Variants in UBE3C observed in about 807,000 individuals in gnomAD.
UBE3C encodes the protein ubiquitin-protein ligase E3C.
In UBE3C, 42 loss-of-function variants were observed where a neutral mutation model predicts 129.4. The ratio of observed to expected loss-of-function variants is 0.32; its 90% CI spans 0.25 to 0.42. The LOEUF (loss-of-function observed/expected upper bound fraction) is 0.42. Among genes scored for constraint, UBE3C ranks in the 10% least tolerant of loss-of-function variants. UBE3C has a pLI of 1.00. For synonymous variants in UBE3C, 510 were observed against 492.4 expected (o/e 1.04, Z -0.47); for missense variants, 1,049 against 1,319.1 (o/e 0.80, Z 3.17).
At chr7:157,196,527 C>T (rs1809125030) in intron 10 of UBE3C, among the ~76,000 whole-genome samples, 1 of 152,072 alleles carries the variant, frequency 6.6e-6, no homozygotes, top group South Asian at 2.1e-4. Context: ...CTAGGTTGAG[C>T]ACATAGAAGA....
chr7:157,139,348 G>A lies in UBE3C; in HGVS notation c.66+10G>A, dbSNP rs763399370. ...CGGCGCGAGCAGGAAGGTGAGGGCC[G>A]GGCTGGCGGGGCGCCCTCGGCTCGG... On this transcript the variant is annotated intron_variant, in intron 1 of 22. Coordinates refer to ENST00000348165, the MANE Select transcript of UBE3C (RefSeq NM_014671.3). 6 of 1,567,756 alleles carry A rather than the reference G, an allele frequency of 3.8e-6. No individual in the cohort carries two copies. The African/African-American group carries it at 7.0e-5, about 18-fold the overall frequency.
intron 18 of UBE3C, among the ~76,000 whole-genome samples, chr7:157,240,110 TCTTGC>T (rs1796266783): frequency 6.6e-6 from 1 of 151,902 alleles, no homozygotes; most frequent in Admixed American, 6.6e-5. Context: ...TGAGACAGAG[TCTTGC>T]TCTTGGCATG....
chr7:157,182,222 G>A lies in UBE3C; in HGVS notation c.885G>A (p.Glu295=). 1 of 1,614,164 alleles carries A rather than the reference G, an allele frequency of 6.2e-7. No individual in the cohort carries two copies. The highest frequency in any genetic ancestry group is 8.5e-7 in the Non-Finnish European group (1 of 1,180,024). ...LADAQTVFPY[E]PFLNALLLIE... is the part of the protein sequence containing the mutation. ...ATGCGCAGACCGTTTTCCCTTACGAGCCCTTTCTGAATGCACTGTTGTTAA... is the reference window on the plus strand; with the variant it reads ...ATGCGCAGACCGTTTTCCCTTACGAACCCTTTCTGAATGCACTGTTGTTAA... The change falls in exon 8 of 23, where the codon GAG becomes GAA. Residue 295 remains glutamate, a synonymous_variant. Transcript: ENST00000348165.
intron 13 of UBE3C, among the ~76,000 whole-genome samples, chr7:157,213,148 G>C (rs974957216): frequency 6.6e-6 from 1 of 152,230 alleles, no homozygotes; most frequent in Admixed American, 6.5e-5. Flanking sequence ...TGGCGTGGAA[G>C]AACATGAGAG....
In UBE3C at chr7:157,178,971, G is replaced by A. The variant is rs572912598; in HGVS notation, c.616+124G>A. 3.1e-4 allele frequency: 383 copies of A among 1,225,980 alleles called. 1 individual carries two copies. Among genetic ancestry groups the A allele is most frequent in the South Asian group, 1.9e-3 (117 of 62,418 alleles). 75.9% of individuals were successfully genotyped at this position (1,225,980 alleles called of 1,614,324 possible). A position where few individuals can be genotyped will look rare whatever the true frequency, so the allele number is the denominator to read the frequency against. ...TCAGAGCGGTACTGGTGTCCCAGAC[G>A]CCTTGTGCTCCATCCACAGGTGCCC... is the stretch of plus-strand genomic sequence containing the variant. On this transcript the variant is annotated intron_variant, in intron 6 of 22. Coordinates refer to ENST00000348165, the MANE Select transcript of UBE3C (RefSeq NM_014671.3).
At chr7:157,246,751 G>A (rs767212216) in intron 18 of UBE3C, among the ~76,000 whole-genome samples, 1 of 152,150 alleles carries the variant, frequency 6.6e-6, no homozygotes, top group Admixed American at 6.5e-5. Flanking sequence ...AGGAAGGCCC[G>A]TGACTGCCTC....
At chr7:157,198,188 T>A in intron 10 of UBE3C, 17 of 1,597,170 alleles carry the variant, frequency 1.1e-5, no homozygotes, top group Non-Finnish European at 1.3e-5. Flanking sequence ...GTAGCTGATT[T>A]TCTCCATGCA....
chr7:157,258,657 A>G (rs1397487646), intron 22 of UBE3C, among the ~76,000 whole-genome samples: 2 of 152,014 alleles, frequency 1.3e-5, no homozygotes, highest in Non-Finnish European at 2.9e-5. Context: ...ACGGGGTTTC[A>G]CCATGTTGGC....
At chr7:157,153,505 A>G (rs1478172138) in intron 1 of UBE3C, among the ~76,000 whole-genome samples, 4 of 152,144 alleles carry the variant, frequency 2.6e-5, no homozygotes, top group South Asian at 2.1e-4. Flanking sequence ...GGCGTTGCCC[A>G]GGCTGGTCTT....
intron 1 of UBE3C, among the ~76,000 whole-genome samples, chr7:157,155,673 T>C (rs551413109): frequency 5.9e-5 from 9 of 152,322 alleles, no homozygotes; most frequent in African/African-American, 2.2e-4. Context: ...AAGAAAGCAT[T>C]TTCCCCCCAT....
intron 5 of UBE3C, 118 bp downstream of exon 5, chr7:157,175,152 T>G: frequency 1.5e-6 from 1 of 674,192 alleles, no homozygotes; most frequent in Non-Finnish European, 2.2e-6. Context: ...TTTTTTTTTT[T>G]TTTTTTGAGG....
chr7:157,256,386 G>A (rs189703822), intron 21 of UBE3C, among the ~76,000 whole-genome samples: 1 of 152,098 alleles, frequency 6.6e-6, no homozygotes, highest in East Asian at 1.9e-4. Context: ...CAAGTGATCC[G>A]CCAGCCCGGG....
intron 22 of UBE3C, among the ~76,000 whole-genome samples, chr7:157,266,192 T>C (rs887849814): frequency 1.3e-5 from 2 of 152,168 alleles, no homozygotes; most frequent in African/African-American, 4.8e-5. Context: ...CGGGAGCCTG[T>C]AGTCCAAGCT....
At chr7:157,248,687 T>A in intron 19 of UBE3C, 107 bp downstream of exon 19, 1 of 1,217,514 alleles carries the variant, frequency 8.2e-7, no homozygotes, top group Non-Finnish European at 1.2e-6. Context: ...CACATTTTAG[T>A]TAGAATGACT....
At chr7:157,173,529 A>G (rs573280273) in intron 4 of UBE3C, among the ~76,000 whole-genome samples, 18 of 152,302 alleles carry the variant, frequency 1.2e-4, no homozygotes, top group African/African-American at 4.3e-4. Context: ...ATCAACATAT[A>G]TGGCTATTTC....
intron 18 of UBE3C, 92 bp downstream of exon 18, chr7:157,231,419 A>G: frequency 6.5e-7 from 1 of 1,533,298 alleles, no homozygotes; most frequent in Non-Finnish European, 8.7e-7. Flanking sequence ...TTACCATAAA[A>G]TACTGTTTGT....
At chr7:157,226,536 G>T (rs1380155633) in intron 17 of UBE3C, among the ~76,000 whole-genome samples, 2 of 152,218 alleles carry the variant, frequency 1.3e-5, no homozygotes, top group African/African-American at 4.8e-5. Flanking sequence ...TTTGGAAGGT[G>T]ATGAGTTGTC....
chr7:157,251,109 CT>C (rs1796610838), intron 19 of UBE3C, among the ~76,000 whole-genome samples: 1 of 152,292 alleles, frequency 6.6e-6, no homozygotes, highest in African/African-American at 2.4e-5. Context: ...AAGAAATTCA[CT>C]AGTGAAGCAC....
At chr7:157,155,812 A>C (rs918768814) in intron 1 of UBE3C, among the ~76,000 whole-genome samples, 4 of 152,256 alleles carry the variant, frequency 2.6e-5, no homozygotes, top group African/African-American at 7.2e-5. Flanking sequence ...CACCCAGAGC[A>C]GTTGGCTGTG....
Sources: allele counts gnomAD v4.1 joint callset (sites outside exome capture counted in the v4.1 genomes callset), GRCh38; gene constraint gnomAD v4.1.1; transcripts MANE v1.5; gene names NCBI Gene and HGNC (gene_info 2026-07-23, HGNC 2026-07-21).